The following NKAIN3 variants were observed in gnomAD, a reference collection of about 807,000 sequenced individuals.
The protein encoded by NKAIN3 is sodium/potassium transporting ATPase interacting 3.
Under a neutral mutation model 30.2 loss-of-function variants are expected in NKAIN3, and 25 were observed. That is an observed-to-expected ratio of 0.83 (90% CI 0.60 to 1.16). The LOEUF is 1.16. Among genes scored for constraint, NKAIN3 ranks in the 50% most tolerant of loss-of-function variants. The pLI, the probability that NKAIN3 is intolerant of heterozygous loss-of-function variation, is 0.00. For synonymous variants in NKAIN3, 91 were observed against 89.6 expected, an observed-to-expected ratio of 1.02 and a Z score of -0.09; for missense variants, 225 against 254.1, an observed-to-expected ratio of 0.89 and a Z score of 0.78.
At chr8:62,783,762 C>G (rs1817430639) in intron 4 of NKAIN3, among the ~76,000 whole-genome samples, 1 of 151,988 alleles carries the variant, frequency 6.6e-6, no homozygotes. Flanking sequence ...AAGGGAGACT[C>G]CAGCCATGTG....
At chr8:62,773,807 C>T (rs763569847) in intron 4 of NKAIN3, among the ~76,000 whole-genome samples, 1 of 152,160 alleles carries the variant, frequency 6.6e-6, no homozygotes, top group African/African-American at 2.4e-5. Flanking sequence ...AATTAAACTT[C>T]TTGCCTTTAT....
intron 4 of NKAIN3, among the ~76,000 whole-genome samples, chr8:62,867,765 C>T (rs1290382476): frequency 6.6e-6 from 1 of 152,142 alleles, no homozygotes; most frequent in African/African-American, 2.4e-5. Flanking sequence ...TTTAAAGCAG[C>T]ATATGACATA....
intron 1 of NKAIN3, among the ~76,000 whole-genome samples, chr8:62,310,180 TG>T (rs1331266347): frequency 6.7e-6 from 1 of 150,110 alleles, no homozygotes; most frequent in Non-Finnish European, 1.5e-5. Flanking sequence ...CATGCTGAAA[TG>T]GGAGGAAAAC....
chr8:62,707,056 T>TACACACACACACAC (rs35879987), intron 3 of NKAIN3, among the ~76,000 whole-genome samples: 5 of 143,306 alleles, frequency 3.5e-5, no homozygotes, highest in African/African-American at 1.1e-4. Context: ...CATACATACA[T>TACACACACACACAC]ACACACACAC....
chr8:62,270,185 T>C (rs1002312704), intron 1 of NKAIN3, among the ~76,000 whole-genome samples: 2 of 152,102 alleles, frequency 1.3e-5, no homozygotes, highest in East Asian at 3.9e-4. Flanking sequence ...GCTCAAGTGA[T>C]CCTCCCACCT....
chr8:62,510,203 G>A (rs1045568732), intron 1 of NKAIN3, among the ~76,000 whole-genome samples: 2 of 152,138 alleles, frequency 1.3e-5, no homozygotes, highest in African/African-American at 4.8e-5. Flanking sequence ...ACAGTGAATA[G>A]TTAGGTATTG....
intron 3 of NKAIN3, among the ~76,000 whole-genome samples, chr8:62,685,532 C>T (rs1377759278): frequency 6.6e-6 from 1 of 152,140 alleles, no homozygotes; most frequent in Non-Finnish European, 1.5e-5. Context: ...ACGAGGACTT[C>T]CCTTATTCTT....
intron 4 of NKAIN3, among the ~76,000 whole-genome samples, chr8:62,761,486 G>T (rs1308947196): frequency 1.3e-5 from 2 of 152,144 alleles, no homozygotes; most frequent in Non-Finnish European, 2.9e-5. Flanking sequence ...TCCACTCCCT[G>T]ATCAACACCA....
rs1043434473 is a variant in NKAIN3 at position 62,729,791 on chromosome 8, A to C, written c.274-17141A>C. 2.6e-5 allele frequency among the ~76,000 whole-genome samples: 4 copies of C among 152,216 alleles called. No homozygotes were observed. In the East Asian group the frequency reaches 5.8e-4, roughly 22 times the overall value. Reference sequence around the variant, plus strand: ...GCATGGATTGCATTCATACAAATTCATTAATTTTTGATAGACATTTAGATG... The same window carrying C: ...GCATGGATTGCATTCATACAAATTCCTTAATTTTTGATAGACATTTAGATG... On this transcript the variant is annotated intron_variant, in intron 3 of 6. Transcript: ENST00000623646.
At chr8:62,418,614 G>A (rs1464342704) in intron 1 of NKAIN3, among the ~76,000 whole-genome samples, 1 of 152,092 alleles carries the variant, frequency 6.6e-6, no homozygotes, top group East Asian at 1.9e-4. Context: ...CTTGTCTCAT[G>A]GAATGATGCA....
At chr8:62,360,035 C>T (rs1262804046) in intron 1 of NKAIN3, among the ~76,000 whole-genome samples, 1 of 152,188 alleles carries the variant, frequency 6.6e-6, no homozygotes, top group Non-Finnish European at 1.5e-5. Context: ...CATCAGAAAA[C>T]TGGAGCATAA....
intron 3 of NKAIN3, among the ~76,000 whole-genome samples, chr8:62,665,379 G>A (rs1198180157): frequency 6.6e-6 from 1 of 151,736 alleles, no homozygotes; most frequent in Non-Finnish European, 1.5e-5. Flanking sequence ...AAAAAAAAAG[G>A]AGCATACATT....
intron 1 of NKAIN3, among the ~76,000 whole-genome samples, chr8:62,322,470 AC>A (rs1227675639): frequency 1.3e-5 from 2 of 152,120 alleles, no homozygotes; most frequent in Non-Finnish European, 1.5e-5. Context: ...TCTTGGCTCC[AC>A]CCCAGGATTT....
downstream of NKAIN3, among the ~76,000 whole-genome samples, chr8:62,989,609 G>T (rs1447471635): frequency 6.6e-6 from 1 of 152,000 alleles, no homozygotes; most frequent in Non-Finnish European, 1.5e-5. Flanking sequence ...TTTGGGTGGG[G>T]ACACAGCCAA....
chr8:62,864,040 C>G, intron 4 of NKAIN3: 2 of 702,066 alleles, frequency 2.8e-6, no homozygotes, highest in Non-Finnish European at 5.2e-6. Flanking sequence ...TTTCGGCCTC[C>G]GCTTTTGGGC....
At position 62,654,550 on chromosome 8, in the gene NKAIN3, A is replaced by G. The variant is rs73264854; in HGVS notation, c.273+64756A>G. Among the ~76,000 whole-genome samples, 306 of 152,328 alleles carry G rather than the reference A, an allele frequency of 2.0e-3. 1 individual carries two copies. The highest frequency in any genetic ancestry group is 7.0e-3 in the African/African-American group (292 of 41,602). On this transcript the variant is annotated intron_variant, in intron 3 of 6. Transcript: ENST00000623646. ...TCCACTGGTCAACTACAGAAGATCA[A>G]AAATTAGAATGACTTTATTGACTTT...
At chr8:62,436,090 TCA>T (rs1436042590) in intron 1 of NKAIN3, among the ~76,000 whole-genome samples, 2 of 152,228 alleles carry the variant, frequency 1.3e-5, no homozygotes, top group African/African-American at 4.8e-5. Flanking sequence ...AATTGCCGTG[TCA>T]CAGTATGTGA....
chr8:62,556,182 A>G (rs1809380990), intron 1 of NKAIN3, among the ~76,000 whole-genome samples: 1 of 152,040 alleles, frequency 6.6e-6, no homozygotes, highest in Non-Finnish European at 1.5e-5. Flanking sequence ...TAATGTCAAT[A>G]GAACAGTATA....
chr8:62,559,962 T>G (rs904536198), intron 1 of NKAIN3, among the ~76,000 whole-genome samples: 3 of 152,120 alleles, frequency 2.0e-5, no homozygotes, highest in Non-Finnish European at 4.4e-5. Flanking sequence ...CAACAAATTT[T>G]GTCAAGAACA....
Sources: gnomAD v4.1 joint callset for allele counts (sites outside exome capture counted in the v4.1 genomes callset) on GRCh38, gnomAD v4.1.1 for gene constraint, MANE v1.5 for transcripts, NCBI Gene and HGNC (gene_info 2026-07-23, HGNC 2026-07-21) for gene names.